The following TMEFF1 variants were observed in gnomAD, a reference collection of about 807,000 sequenced individuals.
TMEFF1 encodes transmembrane protein with EGF like and two follistatin like domains 1.
In TMEFF1, 20 loss-of-function variants were observed where a neutral mutation model predicts 47.5. The observed-to-expected ratio is 0.42, with a 90% CI of 0.30 to 0.61. The LOEUF (loss-of-function observed/expected upper bound fraction) is 0.61, where lower values mean the gene tolerates loss of function less well. TMEFF1 is among the 20% of genes least tolerant of loss of function. The probability of loss-of-function intolerance (pLI) is 0.19; values close to 1 mark genes in which losing one functional copy is unlikely to be tolerated. For missense variants in TMEFF1, 411 were observed against 471.1 expected (o/e 0.87, Z 1.18); for synonymous variants, 162 against 166.3 (o/e 0.97, Z 0.20).
intron 5 of TMEFF1, among the ~76,000 whole-genome samples, chr9:100,523,522 T>C (rs1838204552): frequency 6.6e-6 from 1 of 152,230 alleles, no homozygotes; most frequent in Non-Finnish European, 1.5e-5. Flanking sequence ...ACACTAGGCC[T>C]TTATTATTCA....
chr9:100,534,051 A>T (rs760739534), intron 5 of TMEFF1, among the ~76,000 whole-genome samples: 1 of 152,120 alleles, frequency 6.6e-6, no homozygotes, highest in Non-Finnish European at 1.5e-5. Flanking sequence ...CTTTGAGGTG[A>T]GGGATGGAAC....
At chr9:100,538,733 C>T (rs1000516441) in intron 5 of TMEFF1, among the ~76,000 whole-genome samples, 3 of 152,134 alleles carry the variant, frequency 2.0e-5, no homozygotes, top group African/African-American at 7.2e-5. Flanking sequence ...TATGTTGATG[C>T]ACATAGCTGT....
intron 8 of TMEFF1, among the ~76,000 whole-genome samples, chr9:100,568,464 A>G (rs1839167990): frequency 6.6e-6 from 1 of 152,214 alleles, no homozygotes; most frequent in Non-Finnish European, 1.5e-5. Flanking sequence ...AATGAGGACC[A>G]ATGAGATTAA....
At chr9:100,561,358 C>T (rs750483021) in intron 7 of TMEFF1, 39 bp from the exon 8 acceptor site, 20 of 1,589,010 alleles carry the variant, frequency 1.3e-5, no homozygotes, top group South Asian at 5.8e-5. Flanking sequence ...TTTCAGCTTG[C>T]GTTTCATTGT....
chr9:100,479,735 A>G (rs1310898937), intron 1 of TMEFF1, among the ~76,000 whole-genome samples: 1 of 152,210 alleles, frequency 6.6e-6, no homozygotes, highest in Non-Finnish European at 1.5e-5. Flanking sequence ...ATTCCATTGT[A>G]TGGATAAACC....
chr9:100,542,819 T>C (rs571924047), intron 5 of TMEFF1, among the ~76,000 whole-genome samples: 1 of 152,298 alleles, frequency 6.6e-6, no homozygotes, highest in African/African-American at 2.4e-5. Flanking sequence ...TTAGAAAGTT[T>C]GAAGAGAAGT....
intron 5 of TMEFF1, among the ~76,000 whole-genome samples, chr9:100,523,138 A>T (rs1420343124): frequency 6.6e-6 from 1 of 152,152 alleles, no homozygotes; most frequent in Non-Finnish European, 1.5e-5. Flanking sequence ...AATTTTCTGA[A>T]TGCACTGTTA....
chr9:100,515,463 T>C (rs1206691710), intron 4 of TMEFF1, among the ~76,000 whole-genome samples: 1 of 152,096 alleles, frequency 6.6e-6, no homozygotes, highest in Non-Finnish European at 1.5e-5. Flanking sequence ...GGCAGATTTG[T>C]GTACCTTTTT....
intron 7 of TMEFF1, among the ~76,000 whole-genome samples, chr9:100,552,906 T>C (rs780993127): frequency 2.0e-5 from 3 of 150,596 alleles, no homozygotes; most frequent in Non-Finnish European, 4.4e-5. Context: ...AGATGTTCAA[T>C]AGCCAGATAT....
At chr9:100,566,886 G>T (rs1209039442) in intron 8 of TMEFF1, among the ~76,000 whole-genome samples, 1 of 151,884 alleles carries the variant, frequency 6.6e-6, no homozygotes, top group Non-Finnish European at 1.5e-5. Context: ...TGTATTTTTA[G>T]TAGAGATAGG....
chr9:100,532,967 T>C (rs936298377), intron 5 of TMEFF1, among the ~76,000 whole-genome samples: 1 of 151,694 alleles, frequency 6.6e-6, no homozygotes, highest in African/African-American at 2.4e-5. Flanking sequence ...AAATCATCAT[T>C]GTCAGTAAAC....
At chr9:100,475,394 T>C (rs1444000673) in intron 1 of TMEFF1, among the ~76,000 whole-genome samples, 1 of 152,228 alleles carries the variant, frequency 6.6e-6, no homozygotes, top group Non-Finnish European at 1.5e-5. Context: ...TTTTCTGATG[T>C]TGAACGGGAT....
At chr9:100,529,140 C>T (rs1203861373) in intron 5 of TMEFF1, among the ~76,000 whole-genome samples, 1 of 149,718 alleles carries the variant, frequency 6.7e-6, no homozygotes. Flanking sequence ...CAAAATCATG[C>T]CAAAATGTAA....
Position 100,473,382 on chromosome 9 carries a change from C to A in TMEFF1, c.-163C>A. On this transcript the variant is annotated 5_prime_UTR_variant, in exon 1 of 10. Transcript: ENST00000374879. This position sits in a 1 kb window ranked among gnomAD's most constrained non-coding sequence, Gnocchi z 5.4. Reference sequence around the variant, plus strand: ...CCGTCCCGAGCGCCGCGGGCCCGGGCCTGGCGGACGCTGCGGGTGGGGCGG... The same window carrying A: ...CCGTCCCGAGCGCCGCGGGCCCGGGACTGGCGGACGCTGCGGGTGGGGCGG... 1 of 441,710 alleles carries A rather than the reference C, an allele frequency of 2.3e-6. No individual in the cohort carries two copies. Among genetic ancestry groups the A allele is most frequent in the Non-Finnish European group, 3.4e-6 (1 of 290,214 alleles). The allele number at this position is 441,710 out of a possible 1,614,324, so 27.4% of individuals were successfully genotyped here. A position where few individuals can be genotyped will look rare whatever the true frequency, so the allele number is the denominator to read the frequency against.
intron 2 of TMEFF1, among the ~76,000 whole-genome samples, chr9:100,502,616 C>T (rs146031821): frequency 4.7e-4 from 72 of 152,332 alleles, no homozygotes; most frequent in African/African-American, 1.6e-3. Flanking sequence ...CCCACCTTGG[C>T]GTCCCAAAGT....
intron 5 of TMEFF1, among the ~76,000 whole-genome samples, chr9:100,527,121 C>A (rs565257142): frequency 2.0e-5 from 3 of 151,326 alleles, no homozygotes; most frequent in Non-Finnish European, 3.0e-5. Flanking sequence ...CCAGCCTGGG[C>A]GACAGAGTGA....
chr9:100,565,104 A>G (rs1430841589), intron 8 of TMEFF1, among the ~76,000 whole-genome samples: 2 of 152,130 alleles, frequency 1.3e-5, no homozygotes, highest in East Asian at 3.9e-4. Flanking sequence ...CCGCTTACAG[A>G]TGTCTAGTGG....
chr9:100,481,380 G>A (rs1837335478), intron 1 of TMEFF1, among the ~76,000 whole-genome samples: 1 of 152,232 alleles, frequency 6.6e-6, no homozygotes, highest in Admixed American at 6.5e-5. Flanking sequence ...ATGGCTGAAT[G>A]AACATAGAAG....
chr9:100,523,338 C>G (rs1306069516), intron 5 of TMEFF1, among the ~76,000 whole-genome samples: 1 of 152,196 alleles, frequency 6.6e-6, no homozygotes, highest in Non-Finnish European at 1.5e-5. Context: ...TGACCATATT[C>G]TGTGTCCCTC....
Sources: gnomAD v4.1 joint callset for allele counts (sites outside exome capture counted in the v4.1 genomes callset) on GRCh38, gnomAD v4.1.1 for gene constraint, Gnocchi (gnomAD v3.1) non-coding constraint, MANE v1.5 for transcripts, NCBI Gene and HGNC (gene_info 2026-07-23, HGNC 2026-07-21) for gene names.